Variants in PRKCE observed in about 807,000 individuals in gnomAD.
PRKCE encodes protein kinase C epsilon type.
A neutral mutation model predicts 85.4 loss-of-function variants in PRKCE; 16 were observed. That is an observed-to-expected ratio of 0.19 (90% CI 0.13 to 0.28). The LOEUF (loss-of-function observed/expected upper bound fraction) is 0.28, where lower values mean the gene tolerates loss of function less well. Among genes scored for constraint, PRKCE ranks in the 10% least tolerant of loss-of-function variants. The pLI is 1.00. For synonymous variants in PRKCE, 388 were observed against 371.5 expected, an observed-to-expected ratio of 1.04 and a Z score of -0.51; for missense variants, 573 against 975.2, an observed-to-expected ratio of 0.59 and a Z score of 5.49.
chr2:45,782,766 C>G (rs1210121269), intron 1 of PRKCE, among the ~76,000 whole-genome samples: 1 of 152,026 alleles, frequency 6.6e-6, no homozygotes, highest in African/African-American at 2.4e-5. Flanking sequence ...TATATACACA[C>G]ACATACACAC....
intron 11 of PRKCE, among the ~76,000 whole-genome samples, chr2:46,096,450 G>A (rs140167643): frequency 8.3e-4 from 126 of 152,256 alleles, no homozygotes; most frequent in Non-Finnish European, 9.0e-4. Context: ...AGAATGTGAT[G>A]GCATTTGGAG....
chr2:45,834,598 G>GTA (rs1690704535), intron 1 of PRKCE, among the ~76,000 whole-genome samples: 2 of 151,902 alleles, frequency 1.3e-5, no homozygotes, highest in South Asian at 2.1e-4. Context: ...GTGTATGTGT[G>GTA]TGTGTGTGTG....
At chr2:46,146,767 T>C (rs1490626492) in intron 12 of PRKCE, among the ~76,000 whole-genome samples, 1 of 152,226 alleles carries the variant, frequency 6.6e-6, no homozygotes, top group Non-Finnish European at 1.5e-5. Context: ...TGACAACTTA[T>C]GACATTCCAA....
At chr2:45,866,456 G>A (rs899080833) in intron 2 of PRKCE, among the ~76,000 whole-genome samples, 2 of 152,022 alleles carry the variant, frequency 1.3e-5, no homozygotes, top group African/African-American at 4.8e-5. Flanking sequence ...TACAGGCGCC[G>A]GCCACCATGC....
chr2:46,144,098 A>C (rs1675831773), intron 11 of PRKCE, among the ~76,000 whole-genome samples: 1 of 152,168 alleles, frequency 6.6e-6, no homozygotes, highest in African/African-American at 2.4e-5. Context: ...GGTTCCAGGC[A>C]TGGTGGCAAG....
At chr2:46,034,162 G>A (rs574282987) in intron 10 of PRKCE, among the ~76,000 whole-genome samples, 10 of 152,210 alleles carry the variant, frequency 6.6e-5, no homozygotes, top group Non-Finnish European at 1.2e-4. Flanking sequence ...CAAGACTGCG[G>A]TCTGTGAGAG....
chr2:46,100,756 T>G (rs1160668485), intron 11 of PRKCE, among the ~76,000 whole-genome samples: 2 of 152,236 alleles, frequency 1.3e-5, no homozygotes, highest in Admixed American at 1.3e-4. Context: ...GTAAGTCATT[T>G]TTGCTGTGCC....
At chr2:45,855,482 G>T (rs146556383) in intron 2 of PRKCE, among the ~76,000 whole-genome samples, 81 of 152,306 alleles carry the variant, frequency 5.3e-4, no homozygotes, top group African/African-American at 1.7e-3. Context: ...TTTTAGAAGT[G>T]AAAAAGTCTG....
intron 1 of PRKCE, among the ~76,000 whole-genome samples, chr2:45,839,135 A>AT (rs142131154): frequency 1.3e-5 from 2 of 150,926 alleles, no homozygotes; most frequent in African/African-American, 2.4e-5. Context: ...TAAAAAAAAA[A>AT]TTTTTTTTTT....
At chr2:45,698,603 G>A (rs970472561) in intron 1 of PRKCE, among the ~76,000 whole-genome samples, 9 of 151,602 alleles carry the variant, frequency 5.9e-5, no homozygotes, top group Non-Finnish European at 1.3e-4. Context: ...GAGAAAGGAA[G>A]AGGAAAGAGA....
chr2:46,134,474 A>G (rs1473911432), intron 11 of PRKCE, among the ~76,000 whole-genome samples: 4 of 152,238 alleles, frequency 2.6e-5, no homozygotes, highest in Admixed American at 6.5e-5. Flanking sequence ...CCATTGAAGA[A>G]TGCAAGCAGC....
intron 1 of PRKCE, among the ~76,000 whole-genome samples, chr2:45,735,090 A>G (rs573554687): frequency 6.6e-5 from 10 of 152,306 alleles, no homozygotes; most frequent in Admixed American, 3.3e-4. Flanking sequence ...GGGCCAGGCC[A>G]GCATCTGGTG....
At chr2:46,057,012 G>T (rs1032364415) in intron 10 of PRKCE, among the ~76,000 whole-genome samples, 72 of 152,194 alleles carry the variant, frequency 4.7e-4, no homozygotes, top group African/African-American at 1.7e-3. Flanking sequence ...GGGATGGAGG[G>T]GGTGGAAACA....
chr2:46,059,597 C>G (rs1666918808), intron 10 of PRKCE, among the ~76,000 whole-genome samples: 1 of 152,196 alleles, frequency 6.6e-6, no homozygotes, highest in East Asian at 1.9e-4. Context: ...ATATTCTAAG[C>G]AGATTTGAGA....
chr2:45,817,066 A>AGTGTGTGTGTGTGTGTGTGTGTGTGT (rs200785601), intron 1 of PRKCE, among the ~76,000 whole-genome samples: 1 of 135,788 alleles, frequency 7.4e-6, no homozygotes, highest in Non-Finnish European at 1.6e-5. Flanking sequence ...CTGTAAGTAG[A>AGTGTGTGTGTGTGTGTGTGTGTGTGT]GTGTGTGTGT....
intron 2 of PRKCE, among the ~76,000 whole-genome samples, chr2:45,950,298 A>G (rs577530231): frequency 3.3e-5 from 5 of 152,352 alleles, no homozygotes; most frequent in South Asian, 4.1e-4. Flanking sequence ...TAACACTAGG[A>G]GTAAAAACAG....
chr2:45,794,747 C>T (rs1382831499), intron 1 of PRKCE, among the ~76,000 whole-genome samples: 2 of 152,118 alleles, frequency 1.3e-5, no homozygotes, highest in Admixed American at 6.5e-5. Flanking sequence ...GAATACAAGC[C>T]TCCTCCACTT....
At position 45,927,857 on chromosome 2, in the gene PRKCE, C is replaced by A. The variant is rs554031155; in HGVS notation, c.413-48572C>A. 4.6e-4 allele frequency among the ~76,000 whole-genome samples: 69 copies of A among 150,264 alleles called. 1 individual carries two copies. The highest frequency in any genetic ancestry group is 4.5e-3 in the Admixed American group (68 of 15,144). ...CTTTTCCACAGTGATTTCAAATAGTCTTTGAGATACCCAAGGCTTCGTGTA... is the reference window on the plus strand; with the variant it reads ...CTTTTCCACAGTGATTTCAAATAGTATTTGAGATACCCAAGGCTTCGTGTA... On this transcript the variant is annotated intron_variant, in intron 2 of 14. Transcript: ENST00000306156.
chr2:45,795,467 C>T (rs1226009776), intron 1 of PRKCE, among the ~76,000 whole-genome samples: 1 of 152,102 alleles, frequency 6.6e-6, no homozygotes, highest in Non-Finnish European at 1.5e-5. Flanking sequence ...CACCACCACG[C>T]CTGGCTAATT....
Sources: gnomAD v4.1 joint callset for allele counts (sites outside exome capture counted in the v4.1 genomes callset) on GRCh38, gnomAD v4.1.1 for gene constraint, MANE v1.5 for transcripts, NCBI Gene and HGNC (gene_info 2026-07-23, HGNC 2026-07-21) for gene names.